Variants in SV2A observed in about 807,000 individuals in gnomAD.
SV2A encodes synaptic vesicle glycoprotein 2A, also known as solute carrier family 22 member B1.
In SV2A, 25 loss-of-function variants were observed where a neutral mutation model predicts 78.0. The ratio of observed to expected loss-of-function variants is 0.32; its 90% CI spans 0.23 to 0.45. SV2A has a LOEUF of 0.45. Ranked by LOEUF, SV2A falls within the 20% of genes least tolerant of loss-of-function variation. The probability of loss-of-function intolerance (pLI) is 1.00; values close to 1 mark genes in which losing one functional copy is unlikely to be tolerated. For missense variants in SV2A, 752 were observed against 971.5 expected (o/e 0.77, Z 3.00); for synonymous variants, 355 against 384.7 (o/e 0.92, Z 0.90).
At position 149,911,932 on chromosome 1, in the gene SV2A, C is replaced by A. The variant is rs61807545; in HGVS notation, c.671G>T (p.Gly224Val). The A allele has an allele frequency of 2.5e-6, 4 of 1,614,132 alleles. No individual in the cohort carries two copies. The highest frequency in any genetic ancestry group is 3.4e-6 in the Non-Finnish European group (4 of 1,180,004). The change falls in exon 3 of 13, where the codon GGT becomes GTT. Residue 224 changes from glycine (G) to valine (V), a missense_variant. Physicochemically the swap from Gly to Val is moderately radical, Grantham distance 109 (BLOSUM62 -3). This residue lies in a region of SV2A where 291 missense variants were observed against 359.5 expected (regional missense o/e 0.81). Transcript: ENST00000369146. ...CCTCCGACCCAGCCGGTCAGCCAGA[C>A]CTCCCCAGAGGAAGGCTCCCACCAT... Reference protein sequence around the residue: ...GMMVGAFLWGGLADRLGRRQC... With the variant: ...GMMVGAFLWGVLADRLGRRQC...
In SV2A at chr1:149,904,870, C is replaced by G; in HGVS notation, c.*144G>C. On this transcript the variant is annotated 3_prime_UTR_variant, in exon 13 of 13. Transcript: ENST00000369146. ...CCCACGGGGTTTACACACATGCACA[C>G]GCACACGCACACACAGCTAAGACAC... 2.2e-6 allele frequency: 2 copies of G among 890,036 alleles called. No individual in the cohort carries two copies. The highest frequency in any genetic ancestry group is 3.4e-6 in the Non-Finnish European group (2 of 592,270). The allele number at this position is 890,036 out of a possible 1,614,324, so 55.1% of individuals were successfully genotyped here.
At chr1:149,907,582 C>T in intron 10 of SV2A, 118 bp downstream of exon 10, 2 of 1,322,848 alleles carry the variant, frequency 1.5e-6, no homozygotes, top group Non-Finnish European at 2.0e-6. Flanking sequence ...CTGCCACCTT[C>T]CCACAGGGGT....
rs2092412433 is a variant in SV2A, at chr1:149,903,391, G to T, written c.*1623C>A. On this transcript the variant is annotated 3_prime_UTR_variant, in exon 13 of 13. Coordinates refer to ENST00000369146, the MANE Select transcript of SV2A (RefSeq NM_014849.5). ...TCACTGCATTTTTCACATCAACAGA[G>T]TTGGGTTTAGGGTTCCCCAGGAGAG... The T allele has an allele frequency of 1.3e-5, 2 of 152,274 alleles. No individual in the cohort carries two copies. Among genetic ancestry groups the T allele is most frequent in the Admixed American group, 1.3e-4 (2 of 15,280 alleles). 9.4% of individuals were successfully genotyped at this position (152,274 alleles called of 1,614,324 possible).
At position 149,906,753 on chromosome 1, in the gene SV2A, G is replaced by A. The variant is rs782717072; in HGVS notation, c.1782C>T (p.Ala594=). Residue 594 remains alanine, a synonymous_variant, in exon 11 of 13, where the codon GCC becomes GCT. Coordinates refer to ENST00000369146, the MANE Select transcript of SV2A (RefSeq NM_014849.5). The part of the protein sequence containing the change: ...PLDVTGTGEG[A]YMVYFVSFLG... ...GGAAGCTCACAAAGTATACCATGTA[G>A]GCACCTTCGCCCGTCCCTGTCACGT... 1.7e-5 allele frequency: 27 copies of A among 1,614,088 alleles called. No homozygotes were observed. The South Asian group carries it at 2.4e-4, about 14-fold the overall frequency.
In SV2A at chr1:149,913,533, C is replaced by T. The variant is rs587760193; in HGVS notation, c.308G>A (p.Arg103Gln). Reference protein sequence around the residue: ...IYEGEYQGIPRAESGGKGERM... With the variant: ...IYEGEYQGIPQAESGGKGERM... ...CTCGCCTTTGCCCCCAGACTCTGCC[C>T]GGGGAATGCCCTGATATTCCCCTTC... The change falls in exon 2 of 13, where the codon CGG (arginine) becomes CAG (glutamine). Residue 103 changes from arginine (R) to glutamine (Q), a missense_variant. Around this residue, in one of 7 missense-constraint regions of SV2A, gnomAD observed 291 missense variants for 359.5 expected, o/e 0.81. Coordinates refer to ENST00000369146, the MANE Select transcript of SV2A (RefSeq NM_014849.5). 1.1e-5 allele frequency: 18 copies of T among 1,613,898 alleles called. No individual in the cohort carries two copies. In the East Asian group the frequency reaches 2.7e-4, roughly 24 times the overall value.
At position 149,911,859 on chromosome 1, in the gene SV2A, G is replaced by A. The variant is rs1553763826; in HGVS notation, c.744C>T (p.Phe248=). 6.2e-7 allele frequency: 1 copy of A among 1,614,162 alleles called. No individual in the cohort carries two copies. Among genetic ancestry groups the A allele is most frequent in the East Asian group, 2.2e-5 (1 of 44,872 alleles). ...SLSVNSVFAF[F]SSFVQGYGTF... ...TGCCGTAACCCTGGACAAAAGATGA[G>A]AAGAAGGCGAAGACGCTGTTGACTG... The change falls in exon 3 of 13, where the codon TTC becomes TTT. Residue 248 remains phenylalanine (F), a synonymous_variant. Transcript: ENST00000369146.
In SV2A at chr1:149,913,815, G is replaced by T; in HGVS notation, c.26C>A (p.Ala9Glu). 1 of 1,610,390 alleles carries T rather than the reference G, an allele frequency of 6.2e-7. No individual in the cohort carries two copies. Among genetic ancestry groups the T allele is most frequent in the South Asian group, 1.1e-5 (1 of 90,958 alleles). Reference sequence around the variant, plus strand: ...GTCTTTGGCCCCACGGATGAAAGCTGCCCGGTCTCGGAAGCCCTCTTCCAT... The same window carrying T: ...GTCTTTGGCCCCACGGATGAAAGCTTCCCGGTCTCGGAAGCCCTCTTCCAT... The part of the protein sequence containing the change: MEEGFRDR[A>E]AFIRGAKDIA... The change falls in exon 2 of 13, where the codon GCA (alanine) becomes GAA (glutamate). Residue 9 changes from alanine (A) to glutamate (E), a missense_variant. By Grantham distance (107) the Ala-to-Glu change is moderately radical. Around this residue, in one of 7 missense-constraint regions of SV2A, gnomAD observed 291 missense variants for 359.5 expected, o/e 0.81. Transcript: ENST00000369146.
chr1:149,910,447 A>C lies in SV2A; in HGVS notation c.1089+123T>G. On this transcript the variant is annotated intron_variant, in intron 5 of 12. Transcript: ENST00000369146. The surrounding 1 kb of genome is among the most constrained non-coding windows in gnomAD (Gnocchi z 4.2). ...CCCCTGGAGAGTGGACTCTGTGAGG[A>C]AGGCAGGCAGTCAAACAGGATCAAA... The C allele has an allele frequency of 1.5e-6, 2 of 1,348,396 alleles. No individual in the cohort carries two copies. Among genetic ancestry groups the C allele is most frequent in the South Asian group, 3.1e-5 (2 of 65,048 alleles). 83.5% of individuals were successfully genotyped at this position (1,348,396 alleles called of 1,614,324 possible). A position where few individuals can be genotyped will look rare whatever the true frequency, so the allele number is the denominator to read the frequency against.
At chr1:149,913,148 A>C in intron 2 of SV2A, 71 bp downstream of exon 2, 1 of 1,559,950 alleles carries the variant, frequency 6.4e-7, no homozygotes, top group South Asian at 1.2e-5. Flanking sequence ...TGGTAAGGAC[A>C]AGAGCAATTT....
chr1:149,916,132 A>G (rs16835710), intron 1 of SV2A, among the ~76,000 whole-genome samples: 3,955 of 152,110 alleles, frequency 0.026, 181 homozygotes, highest in African/African-American at 0.091. Flanking sequence ...GCGCATGGCA[A>G]TTTGCTAGCT....
chr1:149,911,680 G>A (rs1324541126), intron 3 of SV2A, 120 bp downstream of exon 3: 34 of 1,048,442 alleles, frequency 3.2e-5, no homozygotes, highest in Middle Eastern at 2.2e-4. Context: ...TCATTCATCC[G>A]TTCAACTCAC....
rs376230404 is a variant in SV2A at position 149,906,883 on chromosome 1, G to T, written c.1679-27C>A. The stretch of plus-strand genomic sequence containing the variant: ...TGTGGGCAAAGGCCAAGATAAGCAG[G>T]CAGTCATAGCAGATGGGAGAGGGAG... On this transcript the variant is annotated intron_variant, in intron 10 of 12. Transcript: ENST00000369146. 293 of 1,612,760 alleles carry T rather than the reference G, an allele frequency of 1.8e-4. 2 individuals are homozygous for T. The highest frequency in any genetic ancestry group is 1.2e-3 in the Middle Eastern group (7 of 6,060).
In SV2A at chr1:149,913,774, T is replaced by C. The variant is rs142875032; in HGVS notation, c.67A>G (p.Lys23Glu). The change falls in exon 2 of 13, where the codon AAA becomes GAA. Residue 23 changes from lysine to glutamate, a missense_variant. By Grantham distance (56) the Lys-to-Glu change is moderately conservative. Around this residue, in one of 7 missense-constraint regions of SV2A, gnomAD observed 291 missense variants for 359.5 expected, o/e 0.81. Coordinates refer to ENST00000369146, the MANE Select transcript of SV2A (RefSeq NM_014849.5). ...RGAKDIAKEV[K>E]KHAAKKVVKG... Reference sequence around the variant, plus strand: ...ACCACCTTCTTGGCCGCATGCTTTTTGACTTCCTTAGCAATGTCTTTGGCC... The same window carrying C: ...ACCACCTTCTTGGCCGCATGCTTTTCGACTTCCTTAGCAATGTCTTTGGCC... The C allele has an allele frequency of 1.2e-6, 2 of 1,614,018 alleles. No homozygotes were observed. Among genetic ancestry groups the C allele is most frequent in the African/African-American group, 2.7e-5 (2 of 74,898 alleles).
intron 7 of SV2A, 33 bp downstream of exon 7, chr1:149,909,428 C>T (rs781866609): frequency 1.9e-6 from 3 of 1,592,774 alleles, no homozygotes; most frequent in African/African-American, 2.7e-5. Flanking sequence ...ACTTCCCCCA[C>T]TCCCTTCTAT....
chr1:149,913,775 G>T lies in SV2A; in HGVS notation c.66C>A (p.Val22=). ...IRGAKDIAKE[V]KKHAAKKVVK... ...CCACCTTCTTGGCCGCATGCTTTTT[G>T]ACTTCCTTAGCAATGTCTTTGGCCC... The change falls in exon 2 of 13, where the codon GTC becomes GTA. Residue 22 remains valine (V), a synonymous_variant. Transcript: ENST00000369146. The T allele has an allele frequency of 1.9e-6, 3 of 1,614,060 alleles. No homozygotes were observed. Among genetic ancestry groups the T allele is most frequent in the Middle Eastern group, 3.3e-4 (2 of 6,060 alleles).
chr1:149,916,564 G>A (rs1183061324), intron 1 of SV2A, among the ~76,000 whole-genome samples: 2 of 152,202 alleles, frequency 1.3e-5, no homozygotes, highest in African/African-American at 4.8e-5. Context: ...ACAGGCAGGG[G>A]ACTCCAGAGC....
chr1:149,915,310 C>A (rs587733519), intron 1 of SV2A, among the ~76,000 whole-genome samples: 5 of 152,070 alleles, frequency 3.3e-5, no homozygotes, highest in Non-Finnish European at 5.9e-5. Context: ...ATGCTGTTGC[C>A]CAGCATCCTT....
chr1:149,917,246 C>A (rs2092520737), intron 1 of SV2A, among the ~76,000 whole-genome samples: 2 of 151,872 alleles, frequency 1.3e-5, no homozygotes, highest in Admixed American at 6.6e-5. Flanking sequence ...ATTCTTCACT[C>A]CCCTTCCCTC....
chr1:149,913,704 T>A lies in SV2A; in HGVS notation c.137A>T (p.Tyr46Phe). 1 of 1,613,856 alleles carries A rather than the reference T, an allele frequency of 6.2e-7. No homozygotes were observed. Among genetic ancestry groups the A allele is most frequent in the Non-Finnish European group, 8.5e-7 (1 of 1,179,972 alleles). ...ATCATCCTCCTCCTCAAAGCGGGAGTACGATCTTCGGGAATATTCGTCCTG... is the reference window on the plus strand; with the variant it reads ...ATCATCCTCCTCCTCAAAGCGGGAGAACGATCTTCGGGAATATTCGTCCTG... ...RVQDEYSRRS[Y>F]SRFEEEDDDD... The change falls in exon 2 of 13, where the codon TAC becomes TTC. Residue 46 changes from tyrosine to phenylalanine, a missense_variant. Physicochemically the swap from Tyr to Phe is conservative, Grantham distance 22. This residue lies in a region of SV2A where 291 missense variants were observed against 359.5 expected (regional missense o/e 0.81). Transcript: ENST00000369146.
Sources: allele counts gnomAD v4.1 joint callset (sites outside exome capture counted in the v4.1 genomes callset), GRCh38; gene constraint gnomAD v4.1.1; regional missense constraint gnomAD v4.1.1; non-coding constraint Gnocchi (gnomAD v3.1); transcripts MANE v1.5; gene names NCBI Gene and HGNC (gene_info 2026-07-23, HGNC 2026-07-21).